The following SMAD3 variants were observed in gnomAD, a reference collection of about 807,000 sequenced individuals.
The protein encoded by SMAD3 is SMAD family member 3.
In SMAD3, 12 loss-of-function variants were observed where a neutral mutation model predicts 51.8. The observed-to-expected ratio is 0.23, with a 90% CI of 0.15 to 0.38. The LOEUF is 0.38. SMAD3 is among the 10% of genes least tolerant of loss of function. The pLI is 1.00. For missense variants in SMAD3, 294 were observed against 565.6 expected (o/e 0.52, Z 4.87); for synonymous variants, 238 against 227.7 (o/e 1.05, Z -0.41).
intron 1 of SMAD3, among the ~76,000 whole-genome samples, chr15:67,079,085 TCTC>T (rs1960229756): frequency 6.6e-6 from 1 of 152,014 alleles, no homozygotes; most frequent in South Asian, 2.1e-4. Context: ...TTCAGGCTAT[TCTC>T]CTGCCTCAGC....
intron 1 of SMAD3, among the ~76,000 whole-genome samples, chr15:67,154,262 GC>G (rs1202730387): frequency 6.6e-6 from 1 of 152,190 alleles, no homozygotes; most frequent in African/African-American, 2.4e-5. Context: ...CCCTAGACTG[GC>G]AGCATTCATG....
intron 1 of SMAD3, among the ~76,000 whole-genome samples, chr15:67,093,814 G>A (rs1007591349): frequency 3.9e-5 from 6 of 152,208 alleles, no homozygotes; most frequent in African/African-American, 1.4e-4. Context: ...CTTGCCTCTG[G>A]CAGCACCTAA....
chr15:67,118,552 C>T (rs1419551182), intron 1 of SMAD3, among the ~76,000 whole-genome samples: 2 of 152,140 alleles, frequency 1.3e-5, no homozygotes, highest in East Asian at 1.9e-4. Context: ...GTAAAGAGAT[C>T]ACTATTGTCA....
intron 1 of SMAD3, chr15:67,138,133 C>T: frequency 1.3e-6 from 2 of 1,483,868 alleles, no homozygotes; most frequent in African/African-American, 2.8e-5. Context: ...TGTCTTTTCT[C>T]TTTCTTGAAC....
At chr15:67,150,480 AAAAGAAAG>A (rs145428247) in intron 1 of SMAD3, among the ~76,000 whole-genome samples, 29,539 of 151,738 alleles carry the variant, frequency 0.19, 3,518 homozygotes, top group Non-Finnish European at 0.28. Flanking sequence ...TCCAGGAAAA[AAAAGAAAG>A]AAAGAAAGAA....
intron 1 of SMAD3, among the ~76,000 whole-genome samples, chr15:67,130,765 G>A (rs1961506275): frequency 6.6e-6 from 1 of 152,214 alleles, no homozygotes; most frequent in African/African-American, 2.4e-5. Context: ...AGTTCAGAAG[G>A]CCTAGGCCTG....
Position 67,192,461 on chromosome 15 carries a change from A to G in SMAD3, c.*1925A>G, listed in dbSNP as rs1963390995. Reference sequence around the variant, plus strand: ...GTATGTGCCTGGTGTGAAATGATCTATGGCCTGTTTCTTACACAGGAAGCC... The same window carrying G: ...GTATGTGCCTGGTGTGAAATGATCTGTGGCCTGTTTCTTACACAGGAAGCC... On this transcript the variant is annotated 3_prime_UTR_variant, in exon 9 of 9. Coordinates refer to ENST00000327367, the MANE Select transcript of SMAD3 (RefSeq NM_005902.4). 4.3e-6 allele frequency: 1 copy of G among 233,322 alleles called. No homozygotes were observed. The highest frequency in any genetic ancestry group is 2.2e-5 in the African/African-American group (1 of 45,348). The allele number at this position is 233,322 out of a possible 1,614,324, so 14.5% of individuals were successfully genotyped here. A position where few individuals can be genotyped will look rare whatever the true frequency, so the allele number is the denominator to read the frequency against.
intron 1 of SMAD3, among the ~76,000 whole-genome samples, chr15:67,163,341 T>C (rs1379514954): frequency 6.6e-6 from 1 of 152,158 alleles, no homozygotes; most frequent in Non-Finnish European, 1.5e-5. Context: ...TGAAGTCTCT[T>C]TCCTTACCAC....
chr15:67,179,835 C>A (rs961103718), intron 5 of SMAD3, among the ~76,000 whole-genome samples: 1 of 152,016 alleles, frequency 6.6e-6, no homozygotes, highest in African/African-American at 2.4e-5. Flanking sequence ...GGAGCGTCTC[C>A]TGTTCCTCCC....
chr15:67,115,304 G>A (rs949559142), intron 1 of SMAD3, among the ~76,000 whole-genome samples: 3 of 151,640 alleles, frequency 2.0e-5, no homozygotes, highest in African/African-American at 7.3e-5. Flanking sequence ...AGATTTTGTT[G>A]TGTCCCTTCA....
At position 67,194,391 on chromosome 15, in the gene SMAD3, G is replaced by A; in HGVS notation, c.*3855G>A. ...ATCTCCCATGGGGAGGTGATGGTGGGGAGATGATGGGCTAAACAGGCAACT... is the reference window on the plus strand; with the variant it reads ...ATCTCCCATGGGGAGGTGATGGTGGAGAGATGATGGGCTAAACAGGCAACT... On this transcript the variant is annotated 3_prime_UTR_variant, in exon 9 of 9. Coordinates refer to ENST00000327367, the MANE Select transcript of SMAD3 (RefSeq NM_005902.4). The A allele has an allele frequency of 4.3e-6, 1 of 233,326 alleles. No homozygotes were observed. Among genetic ancestry groups the A allele is most frequent in the South Asian group, 1.8e-4 (1 of 5,520 alleles). 14.5% of individuals were successfully genotyped at this position (233,326 alleles called of 1,614,324 possible). A position where few individuals can be genotyped will look rare whatever the true frequency, so the allele number is the denominator to read the frequency against.
intron 1 of SMAD3, among the ~76,000 whole-genome samples, chr15:67,097,553 A>G (rs933178787): frequency 2.0e-5 from 3 of 151,868 alleles, no homozygotes; most frequent in African/African-American, 7.3e-5. Flanking sequence ...CCTTATCTCC[A>G]TCTCTTAACT....
chr15:67,122,126 A>G (rs997262323), intron 1 of SMAD3, among the ~76,000 whole-genome samples: 1 of 152,244 alleles, frequency 6.6e-6, no homozygotes, highest in Non-Finnish European at 1.5e-5. Context: ...GTCCGGACAT[A>G]TGTCCCCATT....
intron 1 of SMAD3, among the ~76,000 whole-genome samples, chr15:67,106,680 A>G (rs944960929): frequency 6.6e-6 from 1 of 151,518 alleles, no homozygotes; most frequent in Admixed American, 6.6e-5. Context: ...TATGTGGAGG[A>G]CACTTATGCT....
intron 1 of SMAD3, among the ~76,000 whole-genome samples, chr15:67,095,890 A>G (rs915982760): frequency 6.6e-6 from 1 of 152,192 alleles, no homozygotes; most frequent in Admixed American, 6.5e-5. Context: ...ATGAGCATGG[A>G]TAGAGGAGAT....
chr15:67,178,930 A>G (rs12904527), intron 5 of SMAD3, among the ~76,000 whole-genome samples: 7,702 of 152,134 alleles, frequency 0.051, 257 homozygotes, highest in South Asian at 0.18. Context: ...GAAGAGAGAA[A>G]ACGACAAGAA....
intron 1 of SMAD3, among the ~76,000 whole-genome samples, chr15:67,164,214 C>T (rs931203925): frequency 2.7e-5 from 4 of 147,798 alleles, no homozygotes; most frequent in African/African-American, 1.0e-4. Flanking sequence ...ACTCAGGAGG[C>T]TGAGGCGGGA....
chr15:67,145,654 G>T (rs1392480522), intron 1 of SMAD3, among the ~76,000 whole-genome samples: 1 of 152,152 alleles, frequency 6.6e-6, no homozygotes, highest in African/African-American at 2.4e-5. Flanking sequence ...GCGCTTACCG[G>T]TTTATGAAGG....
chr15:67,169,743 G>A (rs1386581782), intron 4 of SMAD3, among the ~76,000 whole-genome samples: 1 of 151,576 alleles, frequency 6.6e-6, no homozygotes, highest in Non-Finnish European at 1.5e-5. Flanking sequence ...GATTACAGAT[G>A]TGAGCCATTG....
Sources: gnomAD v4.1 joint callset for allele counts (sites outside exome capture counted in the v4.1 genomes callset) on GRCh38, gnomAD v4.1.1 for gene constraint, MANE v1.5 for transcripts, NCBI Gene and HGNC (gene_info 2026-07-23, HGNC 2026-07-21) for gene names.